The following DSC1 variants were observed in gnomAD, a reference collection of about 807,000 sequenced individuals.
DSC1 encodes desmocollin-1.
DSC1 carries 79 observed loss-of-function variants against 98.8 expected under a neutral mutation model. That is an observed-to-expected ratio of 0.80 (90% CI 0.67 to 0.96). The LOEUF is 0.96. Ranked by LOEUF, DSC1 falls within the 50% of genes least tolerant of loss-of-function variation. The probability of loss-of-function intolerance (pLI) is 0.00; values close to 1 mark genes in which losing one functional copy is unlikely to be tolerated. For missense variants in DSC1, 1,115 were observed against 1,075.9 expected (o/e 1.04, Z -0.51); for synonymous variants, 405 against 372.1 (o/e 1.09, Z -1.02).
rs572832018 is a variant in DSC1, at chr18:31,140,735, G to A, written c.1261-434C>T. Among the ~76,000 whole-genome samples the A allele has an allele frequency of 2.6e-5, 4 of 152,310 alleles. No homozygotes were observed. In the South Asian group the frequency reaches 8.3e-4, roughly 32 times the overall value. On this transcript the variant is annotated intron_variant, in intron 9 of 15. Transcript: ENST00000257198. ...TACTCTATGCCTGACTCAAAAGATA[G>A]AATGATATTTAACAGCACCTTTTCA... is the stretch of plus-strand genomic sequence containing the variant.
At position 31,130,486 on chromosome 18, in the gene DSC1, G is replaced by C; in HGVS notation, c.*28C>G. 1 of 1,610,412 alleles carries C rather than the reference G, an allele frequency of 6.2e-7. No homozygotes were observed. Among genetic ancestry groups the C allele is most frequent in the Non-Finnish European group, 8.5e-7 (1 of 1,176,962 alleles). ...GTAATAAATTCCTACTTATGCATCT[G>C]TGGATATTACACTATTAAAAGGCAC... On this transcript the variant is annotated 3_prime_UTR_variant, in exon 16 of 16. Coordinates refer to ENST00000257198, the MANE Select transcript of DSC1 (RefSeq NM_024421.2).
At chr18:31,148,782 G>C in intron 5 of DSC1, 140 bp from the exon 6 acceptor site, 1 of 775,522 alleles carries the variant, frequency 1.3e-6, no homozygotes. Flanking sequence ...ATGCAATAGA[G>C]AGATAACCCA....
chr18:31,129,660 G>T lies in DSC1; in HGVS notation c.*854C>A, dbSNP rs186368171. On this transcript the variant is annotated 3_prime_UTR_variant, in exon 16 of 16. Coordinates refer to ENST00000257198, the MANE Select transcript of DSC1 (RefSeq NM_024421.2). ...AGGCAGGCCTATGTCAAACTCAAGA[G>T]TGAATGTTTTTGCTAAAGTATTTAT... is the stretch of plus-strand genomic sequence containing the variant. 7.9e-5 allele frequency: 12 copies of T among 152,242 alleles called. No individual in the cohort carries two copies. Among genetic ancestry groups the T allele is most frequent in the Non-Finnish European group, 2.9e-5 (2 of 68,030 alleles). 9.4% of individuals were successfully genotyped at this position (152,242 alleles called of 1,614,324 possible). A position where few individuals can be genotyped will look rare whatever the true frequency, so the allele number is the denominator to read the frequency against.
chr18:31,143,853 A>C, intron 7 of DSC1, 62 bp from the exon 8 acceptor site: 46 of 1,338,152 alleles, frequency 3.4e-5, no homozygotes, highest in Non-Finnish European at 4.1e-5. Context: ...TGCAATTCTC[A>C]CAACCACTTG....
intron 13 of DSC1, 121 bp from the exon 14 acceptor site, chr18:31,132,810 A>G: frequency 1.2e-6 from 1 of 867,736 alleles, no homozygotes; most frequent in South Asian, 1.9e-5. Context: ...TCTTCAGGTC[A>G]CAAGATTTAA....
Position 31,133,880 on chromosome 18 carries a change from A to C in DSC1, c.2116+11T>G, listed in dbSNP as rs77485878. On this transcript the variant is annotated intron_variant, in intron 13 of 15. Transcript: ENST00000257198. The stretch of plus-strand genomic sequence containing the variant: ...TAACACATTCTAGATAATGATACTT[A>C]ATATACTTACATAATAACAATACAG... 89,309 of 1,602,136 alleles carry C rather than the reference A, an allele frequency of 0.056. 2,834 individuals are homozygous for C. The highest frequency in any genetic ancestry group is 0.063 in the Non-Finnish European group (74,151 of 1,173,494).
intron 9 of DSC1, 126 bp from the exon 10 acceptor site, chr18:31,140,427 C>G (rs577031454): frequency 1.0e-6 from 1 of 977,068 alleles, no homozygotes; most frequent in East Asian, 2.9e-5. Context: ...AGGTCTAATA[C>G]AGTTAAAGAC....
chr18:31,130,935 A>T (rs2144909943), intron 15 of DSC1: 1 of 1,151,210 alleles, frequency 8.7e-7, no homozygotes, highest in South Asian at 1.5e-5. Context: ...TTAAAAAATT[A>T]AGACTACGCA....
At position 31,154,793 on chromosome 18, in the gene DSC1, T is replaced by C; in HGVS notation, c.608A>G (p.Glu203Gly). The C allele has an allele frequency of 6.2e-7, 1 of 1,612,232 alleles. No individual in the cohort carries two copies. Among genetic ancestry groups the C allele is most frequent in the Non-Finnish European group, 8.5e-7 (1 of 1,179,248 alleles). The change falls in exon 5 of 16, where the codon GAG becomes GGG. Residue 203 changes from glutamate to glycine, a missense_variant. Transcript: ENST00000257198. Reference sequence around the variant, plus strand: ...TCCTACCGCAAACTGTTCATATTTCTCACGGTCAATGCTCCTTGTACAAAA... The same window carrying C: ...TCCTACCGCAAACTGTTCATATTTCCCACGGTCAATGCTCCTTGTACAAAA... ...DIFCTRSIDR[E>G]KYEQFALYGY...
At chr18:31,146,461 AC>A (rs1187655304) in intron 6 of DSC1, among the ~76,000 whole-genome samples, 16 of 152,116 alleles carry the variant, frequency 1.1e-4, no homozygotes. Context: ...GCATTTGTGT[AC>A]TACATTTTCT....
At chr18:31,137,571 C>T (rs1445344468) in intron 11 of DSC1, among the ~76,000 whole-genome samples, 1 of 152,080 alleles carries the variant, frequency 6.6e-6, no homozygotes, top group East Asian at 1.9e-4. Context: ...GAAAAAGGGT[C>T]TTTATACAAA....
chr18:31,136,193 A>G (rs1988604998), intron 11 of DSC1, among the ~76,000 whole-genome samples: 1 of 152,134 alleles, frequency 6.6e-6, no homozygotes, highest in Admixed American at 6.5e-5. Flanking sequence ...AATAGCAAAT[A>G]AAGTTGAATA....
At chr18:31,137,354 A>G (rs1247742718) in intron 11 of DSC1, among the ~76,000 whole-genome samples, 2 of 152,182 alleles carry the variant, frequency 1.3e-5, no homozygotes, top group East Asian at 3.9e-4. Flanking sequence ...CACTTAATAA[A>G]TGTTTAATCT....
At chr18:31,139,228 A>G (rs1195698127) in intron 11 of DSC1, among the ~76,000 whole-genome samples, 1 of 152,094 alleles carries the variant, frequency 6.6e-6, no homozygotes, top group African/African-American at 2.4e-5. Flanking sequence ...TTGGTAAAAG[A>G]TTGCAAATCA....
intron 8 of DSC1, 67 bp from the exon 9 acceptor site, chr18:31,142,251 A>T (rs1988753978): frequency 6.7e-7 from 1 of 1,499,532 alleles, no homozygotes; most frequent in Non-Finnish European, 9.0e-7. Context: ...ATTCTAAAAC[A>T]CGTATTTAAA....
In DSC1 at chr18:31,159,530, CT is replaced by C. The variant is rs769343099; in HGVS notation, c.64-2del. The stretch of plus-strand genomic sequence containing the variant: ...AAGCATCGCAAAGTAATGTTAAAAC[CT>C]CAAAAAAAAAAAAAGAAAAAATATC... On this transcript the variant is annotated splice_acceptor_variant, in intron 1 of 15. Coordinates refer to ENST00000257198, the MANE Select transcript of DSC1 (RefSeq NM_024421.2). LOFTEE classifies it high-confidence loss of function. 2 of 1,444,942 alleles carry C rather than the reference CT, an allele frequency of 1.4e-6. No individual in the cohort carries two copies. Among genetic ancestry groups the C allele is most frequent in the South Asian group, 1.3e-5 (1 of 76,186 alleles). The allele number at this position is 1,444,942 out of a possible 1,614,324, so 89.5% of individuals were successfully genotyped here.
At chr18:31,162,256 A>G (rs12964636) in intron 1 of DSC1, among the ~76,000 whole-genome samples, 2,081 of 152,254 alleles carry the variant, frequency 0.014, 23 homozygotes, top group Non-Finnish European at 0.021. Flanking sequence ...TCACTTCTCT[A>G]CTCTTAGAAA....
intron 14 of DSC1, 131 bp downstream of exon 14, chr18:31,132,437 G>A (rs906794262): frequency 1.6e-6 from 2 of 1,263,144 alleles, no homozygotes; most frequent in East Asian, 4.9e-5. Context: ...AAACACTGAG[G>A]GCACTTGAAA....
At chr18:31,162,476 G>C in intron 1 of DSC1, 56 bp downstream of exon 1, 1 of 1,559,432 alleles carries the variant, frequency 6.4e-7, no homozygotes, top group Non-Finnish European at 8.8e-7. Context: ...CCAAACTGCA[G>C]AGAGGAAGCA....
Sources: gnomAD v4.1 joint callset for allele counts (sites outside exome capture counted in the v4.1 genomes callset) on GRCh38, gnomAD v4.1.1 for gene constraint, MANE v1.5 for transcripts, NCBI Gene and HGNC (gene_info 2026-07-23, HGNC 2026-07-21) for gene names.